ZFAND3: variants seen among roughly 807,000 people sequenced by gnomAD.
ZFAND3 encodes the protein zinc finger AN1-type containing 3.
ZFAND3 carries 10 observed loss-of-function variants against 29.6 expected under a neutral mutation model. The observed-to-expected ratio is 0.34, with a 90% CI of 0.21 to 0.57. ZFAND3 has a LOEUF of 0.57. Among genes scored for constraint, ZFAND3 ranks in the 20% least tolerant of loss-of-function variants. ZFAND3 has a pLI of 0.86. For missense variants in ZFAND3, 230 were observed against 304.5 expected (o/e 0.76, Z 1.82); for synonymous variants, 128 against 112.6 (o/e 1.14, Z -0.87).
At position 37,820,323 on chromosome 6, in the gene ZFAND3, G is replaced by A. The variant is rs1022518682; in HGVS notation, c.71+307G>A. Among the ~76,000 whole-genome samples, 4 of 152,204 alleles carry A rather than the reference G, an allele frequency of 2.6e-5. No homozygotes were observed. The South Asian group carries it at 8.3e-4, about 31-fold the overall frequency. ...GGGCGGCGGGGAGGGATGAGGGGGC[G>A]GCGTTGACCGCTCCGGGAGGAGCAG... On this transcript the variant is annotated intron_variant, in intron 1 of 5. Transcript: ENST00000287218.
chr6:38,074,892 TCTGC>T (rs1409528194), intron 3 of ZFAND3, among the ~76,000 whole-genome samples: 5 of 152,192 alleles, frequency 3.3e-5, no homozygotes, highest in Non-Finnish European at 5.9e-5. Flanking sequence ...CTACATCCGC[TCTGC>T]CTGTGTTCTG....
At chr6:38,081,980 T>A (rs1427872849) in intron 3 of ZFAND3, among the ~76,000 whole-genome samples, 3 of 152,142 alleles carry the variant, frequency 2.0e-5, no homozygotes, top group Non-Finnish European at 4.4e-5. Flanking sequence ...AATTCCAAGG[T>A]AGAGTGACTG....
chr6:38,004,090 G>A (rs1762999607), intron 2 of ZFAND3, among the ~76,000 whole-genome samples: 1 of 152,074 alleles, frequency 6.6e-6, no homozygotes, highest in Admixed American at 6.5e-5. Context: ...GTTTTACAGT[G>A]GTCCCTTGGA....
At position 37,833,968 on chromosome 6, in the gene ZFAND3, A is replaced by G. The variant is rs1763915155; in HGVS notation, c.71+13952A>G. ...GCCTCCCCTACTATCGACATCTCAC[A>G]TTAGTGTGGAACATTTTATAGAATT... On this transcript the variant is annotated intron_variant, in intron 1 of 5. Transcript: ENST00000287218. Among the ~76,000 whole-genome samples the G allele has an allele frequency of 2.0e-5, 3 of 152,216 alleles. No individual in the cohort carries two copies. The South Asian group carries it at 6.2e-4, about 32-fold the overall frequency.
intron 2 of ZFAND3, among the ~76,000 whole-genome samples, chr6:38,030,167 T>C (rs1268415537): frequency 6.7e-6 from 1 of 149,240 alleles, no homozygotes; most frequent in East Asian, 2.0e-4. Context: ...TCCTTTCCTT[T>C]CCTTCCTTTT....
intron 2 of ZFAND3, among the ~76,000 whole-genome samples, chr6:37,975,238 T>G (rs1268802683): frequency 1.3e-5 from 2 of 152,220 alleles, no homozygotes; most frequent in Non-Finnish European, 2.9e-5. Context: ...CTAATGACAT[T>G]GAGCATCTTT....
chr6:38,153,117 A>G lies in ZFAND3; in HGVS notation c.*728A>G, dbSNP rs2127500062. Reference sequence around the variant, plus strand: ...TTTCTACACAGGATCCAAGGTCACGAGAAGCAGCCAGAGTGCCCCGCCTCC... The same window carrying G: ...TTTCTACACAGGATCCAAGGTCACGGGAAGCAGCCAGAGTGCCCCGCCTCC... On this transcript the variant is annotated 3_prime_UTR_variant, in exon 6 of 6. Transcript: ENST00000287218. 1 of 985,534 alleles carries G rather than the reference A, an allele frequency of 1.0e-6. No individual in the cohort carries two copies. The highest frequency in any genetic ancestry group is 4.7e-5 in the South Asian group (1 of 21,290). 61.0% of individuals were successfully genotyped at this position (985,534 alleles called of 1,614,324 possible). A position where few individuals can be genotyped will look rare whatever the true frequency, so the allele number is the denominator to read the frequency against.
intron 4 of ZFAND3, among the ~76,000 whole-genome samples, chr6:38,102,095 TTCC>T (rs1027118117): frequency 1.8e-3 from 276 of 152,254 alleles, no homozygotes; most frequent in African/African-American, 6.3e-3. Context: ...TTCTTTCTTC[TTCC>T]TCCTCCTCTT....
intron 2 of ZFAND3, among the ~76,000 whole-genome samples, chr6:38,040,291 C>G (rs1037793821): frequency 5.9e-5 from 9 of 152,114 alleles, no homozygotes; most frequent in African/African-American, 1.2e-4. Flanking sequence ...GTAAAATTCA[C>G]TTAACATAAA....
At position 38,079,190 on chromosome 6, in the gene ZFAND3, AC is replaced by A. The variant is rs199844574; in HGVS notation, c.296-3200del. The stretch of plus-strand genomic sequence containing the variant: ...TGTTTCATAGGTTGTAGTTTGCCAG[AC>A]CAAATTTAACTCTAAGCTCTCTGTT... On this transcript the variant is annotated intron_variant, in intron 3 of 5. Coordinates refer to ENST00000287218, the MANE Select transcript of ZFAND3 (RefSeq NM_021943.3). Among the ~76,000 whole-genome samples the A allele has an allele frequency of 6.9e-3, 1,047 of 152,302 alleles. 6 individuals carry two copies. The highest frequency in any genetic ancestry group is 0.023 in the African/African-American group (969 of 41,540).
At chr6:37,838,599 G>A (rs946002232) in intron 1 of ZFAND3, among the ~76,000 whole-genome samples, 6 of 152,120 alleles carry the variant, frequency 3.9e-5, no homozygotes, top group African/African-American at 4.8e-5. Context: ...TTTTGTGTCC[G>A]GCTTCTTTGA....
Position 38,151,335 on chromosome 6 carries a change from A to G in ZFAND3, c.530-900A>G, listed in dbSNP as rs148993245. Among the ~76,000 whole-genome samples the G allele has an allele frequency of 4.0e-3, 607 of 152,306 alleles. 4 individuals are homozygous for G. Among genetic ancestry groups the G allele is most frequent in the African/African-American group, 0.013 (544 of 41,566 alleles). ...TGTCTCCCTTGGATTTCTCTGCTTC[A>G]AAAAGAGCCTTGCAGCATCCTGCGC... On this transcript the variant is annotated intron_variant, in intron 5 of 5. Transcript: ENST00000287218.
chr6:37,977,887 TCTCTC>T lies in ZFAND3; in HGVS notation c.112+47903_112+47907del, dbSNP rs143993017. Among the ~76,000 whole-genome samples the T allele has an allele frequency of 5.4e-4, 38 of 70,810 alleles. 1 individual carries two copies. The highest frequency in any genetic ancestry group is 1.5e-3 in the South Asian group (3 of 2,054). 46.5% of individuals were successfully genotyped at this position (70,810 alleles called of 152,430 possible). A position where few individuals can be genotyped will look rare whatever the true frequency, so the allele number is the denominator to read the frequency against. ...TCCTTCCTTTCCTTCTTCCTTCCTT[TCTCTC>T]CTCTCCTCTCCTCTTCCTTTCTTCC... On this transcript the variant is annotated intron_variant, in intron 2 of 5. Transcript: ENST00000287218.
chr6:37,989,473 T>C (rs895263533), intron 2 of ZFAND3, among the ~76,000 whole-genome samples: 10 of 152,140 alleles, frequency 6.6e-5, no homozygotes, highest in African/African-American at 2.4e-4. Context: ...TCAGCTCTCT[T>C]GTTTCTTTTT....
At chr6:38,060,943 T>C (rs1764225735) in intron 2 of ZFAND3, among the ~76,000 whole-genome samples, 1 of 152,238 alleles carries the variant, frequency 6.6e-6, no homozygotes. Context: ...GTGAATATTG[T>C]ATTTTTGATC....
chr6:37,964,385 C>T (rs1268389208), intron 2 of ZFAND3, among the ~76,000 whole-genome samples: 1 of 152,250 alleles, frequency 6.6e-6, no homozygotes, highest in Non-Finnish European at 1.5e-5. Context: ...CTGAGAGAGG[C>T]AGAGGGAGAT....
chr6:38,116,322 A>G (rs1765416802), intron 4 of ZFAND3, among the ~76,000 whole-genome samples: 1 of 152,058 alleles, frequency 6.6e-6, no homozygotes, highest in Non-Finnish European at 1.5e-5. Context: ...ACAACATAGA[A>G]CTGGTTTTTG....
At chr6:38,042,742 C>T (rs1433328244) in intron 2 of ZFAND3, among the ~76,000 whole-genome samples, 1 of 152,148 alleles carries the variant, frequency 6.6e-6, no homozygotes, top group Non-Finnish European at 1.5e-5. Context: ...ACTAATAGTT[C>T]ACAACTATCT....
At chr6:37,886,565 C>T (rs1228545254) in intron 1 of ZFAND3, among the ~76,000 whole-genome samples, 1 of 152,130 alleles carries the variant, frequency 6.6e-6, no homozygotes, top group African/African-American at 2.4e-5. Context: ...ATGGAAAGGA[C>T]CCTTGATTCC....
Sources: gnomAD v4.1 joint callset for allele counts (sites outside exome capture counted in the v4.1 genomes callset) on GRCh38, gnomAD v4.1.1 for gene constraint, MANE v1.5 for transcripts, NCBI Gene and HGNC (gene_info 2026-07-23, HGNC 2026-07-21) for gene names.